SSBP2: variants seen among roughly 807,000 people sequenced by gnomAD.
SSBP2 encodes the protein single stranded DNA binding protein 2.
Under a neutral mutation model 61.8 loss-of-function variants are expected in SSBP2, and 17 were observed. That is an observed-to-expected ratio of 0.28 (90% CI 0.19 to 0.41). The LOEUF (loss-of-function observed/expected upper bound fraction) is 0.41. Among genes scored for constraint, SSBP2 ranks in the 10% least tolerant of loss-of-function variants. The pLI is 1.00. For missense variants in SSBP2, 310 were observed against 458.7 expected, an observed-to-expected ratio of 0.68 and a Z score of 2.96; for synonymous variants, 139 against 141.3, an observed-to-expected ratio of 0.98 and a Z score of 0.12.
chr5:81,509,180 GC>G (rs1561484031), intron 5 of SSBP2, among the ~76,000 whole-genome samples: 1 of 152,118 alleles, frequency 6.6e-6, no homozygotes, highest in Non-Finnish European at 1.5e-5. Flanking sequence ...ATCCTAGCCA[GC>G]CTTCTGGGCC....
At chr5:81,664,735 T>G (rs1214389836) in intron 1 of SSBP2, among the ~76,000 whole-genome samples, 2 of 152,124 alleles carry the variant, frequency 1.3e-5, no homozygotes, top group African/African-American at 4.8e-5. Flanking sequence ...TAGAAAGAAA[T>G]AAATTGGCTT....
intron 1 of SSBP2, among the ~76,000 whole-genome samples, chr5:81,687,984 C>T (rs1752942894): frequency 1.3e-5 from 2 of 152,232 alleles, no homozygotes; most frequent in South Asian, 2.1e-4. Context: ...AGAAGGAAGA[C>T]AAAAGGGTAC....
At chr5:81,590,859 C>A (rs1342858579) in intron 4 of SSBP2, among the ~76,000 whole-genome samples, 1 of 152,080 alleles carries the variant, frequency 6.6e-6, no homozygotes, top group African/African-American at 2.4e-5. Context: ...AACCTCCAGC[C>A]CTGGGGAAGA....
At chr5:81,551,126 A>G (rs1318848648) in intron 4 of SSBP2, among the ~76,000 whole-genome samples, 1 of 151,346 alleles carries the variant, frequency 6.6e-6, no homozygotes, top group Non-Finnish European at 1.5e-5. Flanking sequence ...GAAATCATAG[A>G]AGAAGAATGT....
At chr5:81,651,637 T>C (rs1749738423) in intron 1 of SSBP2, among the ~76,000 whole-genome samples, 1 of 152,180 alleles carries the variant, frequency 6.6e-6, no homozygotes, top group African/African-American at 2.4e-5. Context: ...CTCTTTTTCC[T>C]ACCCTAACAC....
intron 4 of SSBP2, among the ~76,000 whole-genome samples, chr5:81,585,294 T>C (rs1774976159): frequency 2.0e-5 from 3 of 152,114 alleles, no homozygotes; most frequent in Admixed American, 2.0e-4. Context: ...TTCAGTTTAA[T>C]TCCAGTCTCC....
intron 4 of SSBP2, among the ~76,000 whole-genome samples, chr5:81,582,168 G>C (rs923317950): frequency 6.6e-5 from 10 of 152,080 alleles, no homozygotes; most frequent in Non-Finnish European, 1.0e-4. Context: ...ATCTTTGTTT[G>C]GGGTTGACAT....
At chr5:81,528,141 C>A (rs1348754265) in intron 4 of SSBP2, among the ~76,000 whole-genome samples, 1 of 151,988 alleles carries the variant, frequency 6.6e-6, no homozygotes, top group Non-Finnish European at 1.5e-5. Flanking sequence ...GGCCTGCTTT[C>A]TTCCTTTGTA....
At chr5:81,460,517 T>A (rs1178905825) in intron 10 of SSBP2, among the ~76,000 whole-genome samples, 1 of 152,146 alleles carries the variant, frequency 6.6e-6, no homozygotes, top group African/African-American at 2.4e-5. Flanking sequence ...GCCACAAATA[T>A]ATAAGGAAAA....
At chr5:81,608,837 G>A (rs1005362891) in intron 4 of SSBP2, among the ~76,000 whole-genome samples, 18 of 152,068 alleles carry the variant, frequency 1.2e-4, no homozygotes, top group African/African-American at 4.8e-5. Flanking sequence ...TGATGAAGAC[G>A]TTACCTAAGG....
intron 1 of SSBP2, among the ~76,000 whole-genome samples, chr5:81,668,153 T>C (rs1322519966): frequency 1.4e-5 from 2 of 146,110 alleles, no homozygotes; most frequent in East Asian, 2.0e-4. Context: ...TTACTGTTGA[T>C]AGAAATTTCC....
At chr5:81,509,602 T>A (rs192777051) in intron 5 of SSBP2, among the ~76,000 whole-genome samples, 52 of 152,304 alleles carry the variant, frequency 3.4e-4, no homozygotes, top group Non-Finnish European at 5.1e-4. Context: ...CTTTTTTAAA[T>A]TTTTGGTACT....
At chr5:81,499,858 A>G (rs996587653) in intron 5 of SSBP2, among the ~76,000 whole-genome samples, 1 of 152,230 alleles carries the variant, frequency 6.6e-6, no homozygotes, top group Admixed American at 6.5e-5. Flanking sequence ...AACTTGCTCC[A>G]GATGAAGTAT....
intron 4 of SSBP2, among the ~76,000 whole-genome samples, chr5:81,514,939 A>G (rs890541795): frequency 2.6e-5 from 4 of 152,016 alleles, no homozygotes; most frequent in Admixed American, 2.6e-4. Flanking sequence ...AGGCATATGA[A>G]TATAAAAGAA....
chr5:81,559,409 G>C (rs1427702963), intron 4 of SSBP2, among the ~76,000 whole-genome samples: 1 of 145,128 alleles, frequency 6.9e-6, no homozygotes, highest in Admixed American at 6.9e-5. Context: ...AAAAAAATTA[G>C]CTGGGCATGG....
intron 4 of SSBP2, among the ~76,000 whole-genome samples, chr5:81,565,261 A>G (rs1426816447): frequency 6.6e-6 from 1 of 152,248 alleles, no homozygotes; most frequent in Non-Finnish European, 1.5e-5. Context: ...AGACAAAGTC[A>G]CTTAACCAAA....
intron 4 of SSBP2, among the ~76,000 whole-genome samples, chr5:81,577,075 T>G (rs968909231): frequency 6.6e-6 from 1 of 152,060 alleles, no homozygotes; most frequent in Non-Finnish European, 1.5e-5. Context: ...GTCACATTTA[T>G]GATACATCAT....
chr5:81,533,285 T>C (rs893307752), intron 4 of SSBP2, among the ~76,000 whole-genome samples: 2 of 151,500 alleles, frequency 1.3e-5, no homozygotes, highest in African/African-American at 4.9e-5. Context: ...AAACAACATA[T>C]AGGTAAAAGA....
At chr5:81,489,154 AAGG>A in intron 6 of SSBP2, 93 bp downstream of exon 6, 1 of 1,142,268 alleles carries the variant, frequency 8.8e-7, no homozygotes, top group Non-Finnish European at 1.3e-6. Flanking sequence ...GGGACAGAAA[AAGG>A]AGAATTTCAT....
Sources: gnomAD v4.1 joint callset for allele counts (sites outside exome capture counted in the v4.1 genomes callset) on GRCh38, gnomAD v4.1.1 for gene constraint, MANE v1.5 for transcripts, NCBI Gene and HGNC (gene_info 2026-07-23, HGNC 2026-07-21) for gene names.